UNC13A: variants seen among roughly 807,000 people sequenced by gnomAD.
The protein encoded by UNC13A is unc-13 homolog A, also known as protein unc-13 homolog A.
Under a neutral mutation model 219.7 loss-of-function variants are expected in UNC13A, and 61 were observed. The observed-to-expected ratio is 0.28, with a 90% CI of 0.23 to 0.34. The LOEUF (loss-of-function observed/expected upper bound fraction) is 0.34, where lower values mean the gene tolerates loss of function less well. Among genes scored for constraint, UNC13A ranks in the 10% least tolerant of loss-of-function variants. The pLI, the probability that UNC13A is intolerant of heterozygous loss-of-function variation, is 1.00. For missense variants in UNC13A, 1,476 were observed against 2,270.3 expected, an observed-to-expected ratio of 0.65 and a Z score of 7.11; for synonymous variants, 920 against 884.6, an observed-to-expected ratio of 1.04 and a Z score of -0.71.
At position 17,656,417 on chromosome 19, in the gene UNC13A, G is replaced by C; in HGVS notation, c.768-19C>G. On this transcript the variant is annotated intron_variant, in intron 9 of 43. Transcript: ENST00000519716. ...CGTGGGGCTGTGGGGATGGAACAGGGTTCAGGGACTGGGGTACCGAGTCAC... is the reference window on the plus strand; with the variant it reads ...CGTGGGGCTGTGGGGATGGAACAGGCTTCAGGGACTGGGGTACCGAGTCAC... 1.3e-6 allele frequency: 2 copies of C among 1,491,118 alleles called. No homozygotes were observed. Among genetic ancestry groups the C allele is most frequent in the Non-Finnish European group, 1.8e-6 (2 of 1,122,812 alleles). 92.4% of individuals were successfully genotyped at this position (1,491,118 alleles called of 1,614,324 possible).
Position 17,627,954 on chromosome 19 carries a change from C to G in UNC13A, c.3754-14G>C. On this transcript the variant is annotated splice_polypyrimidine_tract_variant and intron_variant, in intron 31 of 43. Coordinates refer to ENST00000519716, the MANE Select transcript of UNC13A (RefSeq NM_001080421.3). The surrounding 1 kb of genome is among the most constrained non-coding windows in gnomAD (Gnocchi z 4.7). ...GAGAATGCAGGGCTGTGGGTGGGAA[C>G]AGAGAGGGGAGTCAAGCCTCAGGAC... The G allele has an allele frequency of 1.3e-6, 2 of 1,581,506 alleles. No homozygotes were observed. The highest frequency in any genetic ancestry group is 1.7e-4 in the Middle Eastern group (1 of 6,020).
chr19:17,666,479 G>A (rs530358006), intron 7 of UNC13A, among the ~76,000 whole-genome samples, 171 bp downstream of exon 7: 6 of 152,252 alleles, frequency 3.9e-5, no homozygotes, highest in South Asian at 2.1e-4. Flanking sequence ...TTACAGGGGT[G>A]AGCCACCATG....
At chr19:17,640,785 G>A (rs1050203710) in intron 21 of UNC13A, 124 bp from the exon 22 acceptor site, 2 of 1,062,756 alleles carry the variant, frequency 1.9e-6, no homozygotes, top group African/African-American at 1.6e-5. Flanking sequence ...ACCATCCCCT[G>A]CCTGATTCTG....
At chr19:17,613,188 C>T (rs1356339123) in intron 41 of UNC13A, among the ~76,000 whole-genome samples, 1 of 151,846 alleles carries the variant, frequency 6.6e-6, no homozygotes, top group Non-Finnish European at 1.5e-5. Context: ...GCTGAGATTG[C>T]ACCACTGCAC....
intron 19 of UNC13A, among the ~76,000 whole-genome samples, chr19:17,644,330 A>G (rs10426003): frequency 0.54 from 81,750 of 150,166 alleles, 22,670 homozygotes; most frequent in East Asian, 0.68. Flanking sequence ...CTGGGACTAC[A>G]GGCACGCATC....
At position 17,640,613 on chromosome 19, in the gene UNC13A, G is replaced by A. The variant is rs765733092; in HGVS notation, c.2685C>T (p.Ala895=). Residue 895 remains alanine (A), a synonymous_variant, in exon 22 of 44, where the codon GCC becomes GCT. Coordinates refer to ENST00000519716, the MANE Select transcript of UNC13A (RefSeq NM_001080421.3). ...SSKYMCPGVP[A]VMSTLLANIN... is the part of the protein sequence containing the mutation. ...TGTTGGCGAGCAGGGTGCTCATGAC[G>A]GCAGGCACCCCTGGGCACATATACT... 67 of 1,589,252 alleles carry A rather than the reference G, an allele frequency of 4.2e-5. No homozygotes were observed. Among genetic ancestry groups the A allele is most frequent in the Middle Eastern group, 1.9e-4 (1 of 5,214 alleles).
rs1285713909 is a variant in UNC13A at position 17,627,685 on chromosome 19, C to T, written c.3832-88G>A. The T allele has an allele frequency of 7.6e-7, 1 of 1,312,318 alleles. No individual in the cohort carries two copies. The highest frequency in any genetic ancestry group is 2.5e-5 in the East Asian group (1 of 39,864). 81.3% of individuals were successfully genotyped at this position (1,312,318 alleles called of 1,614,324 possible). ...CTCATCTGACCCAGGGAAAGGGATCCCAAGGGGCTGCAGGGGAAACTGAGG... is the reference window on the plus strand; with the variant it reads ...CTCATCTGACCCAGGGAAAGGGATCTCAAGGGGCTGCAGGGGAAACTGAGG... On this transcript the variant is annotated intron_variant, in intron 32 of 43. Transcript: ENST00000519716. This position sits in a 1 kb window ranked among gnomAD's most constrained non-coding sequence, Gnocchi z 4.7.
intron 12 of UNC13A, among the ~76,000 whole-genome samples, chr19:17,651,672 TC>T (rs2079351553): frequency 6.6e-6 from 1 of 152,088 alleles, no homozygotes; most frequent in Non-Finnish European, 1.5e-5. Flanking sequence ...CTCGGCAGCC[TC>T]CCCTTGTCTG....
At chr19:17,666,481 G>C (rs1176235484) in intron 7 of UNC13A, among the ~76,000 whole-genome samples, 169 bp downstream of exon 7, 1 of 152,114 alleles carries the variant, frequency 6.6e-6, no homozygotes, top group Non-Finnish European at 1.5e-5. Flanking sequence ...ACAGGGGTGA[G>C]CCACCATGCC....
chr19:17,666,606 G>A (rs753963768), intron 7 of UNC13A, 44 bp downstream of exon 7: 2 of 1,409,132 alleles, frequency 1.4e-6, no homozygotes, highest in South Asian at 1.7e-5. Context: ...GGGGAGGGAT[G>A]AGGATTTCAG....
At chr19:17,650,595 A>G (rs2079326047) in intron 12 of UNC13A, among the ~76,000 whole-genome samples, 1 of 152,118 alleles carries the variant, frequency 6.6e-6, no homozygotes, top group Non-Finnish European at 1.5e-5. Context: ...CTCCTGCCTC[A>G]GCTCCCCAAG....
intron 6 of UNC13A, among the ~76,000 whole-genome samples, chr19:17,666,986 ACT>A (rs2079665357): frequency 6.6e-6 from 1 of 152,064 alleles, no homozygotes; most frequent in South Asian, 2.1e-4. Flanking sequence ...AGGTGCAGTG[ACT>A]CACACCTGTA....
Position 17,649,071 on chromosome 19 carries a change from A to G in UNC13A, c.1525-88T>C. ...GTTCACAGCCACGGATGGGGCCAGC[A>G]GCCACATTTTGGAGCCACAACCGCA... On this transcript the variant is annotated intron_variant, in intron 14 of 43. Coordinates refer to ENST00000519716, the MANE Select transcript of UNC13A (RefSeq NM_001080421.3). This position sits in a 1 kb window ranked among gnomAD's most constrained non-coding sequence, Gnocchi z 4.4. 1 of 1,411,600 alleles carries G rather than the reference A, an allele frequency of 7.1e-7. No homozygotes were observed. The highest frequency in any genetic ancestry group is 9.6e-7 in the Non-Finnish European group (1 of 1,039,638). The allele number at this position is 1,411,600 out of a possible 1,614,324, so 87.4% of individuals were successfully genotyped here.
chr19:17,645,648 C>A, intron 19 of UNC13A, 26 bp downstream of exon 19: 1 of 1,613,262 alleles, frequency 6.2e-7, no homozygotes, highest in Non-Finnish European at 8.5e-7. Flanking sequence ...CCGTCCCCAC[C>A]CGCTTCAGAA....
intron 8 of UNC13A, among the ~76,000 whole-genome samples, chr19:17,661,481 G>T (rs1003489482): frequency 1.3e-5 from 2 of 151,964 alleles, no homozygotes; most frequent in East Asian, 3.9e-4. Context: ...ATTGCTTGAG[G>T]TCAGGAGTTC....
At chr19:17,651,504 G>A (rs1430639321) in intron 12 of UNC13A, among the ~76,000 whole-genome samples, 1 of 152,204 alleles carries the variant, frequency 6.6e-6, no homozygotes, top group Non-Finnish European at 1.5e-5. Flanking sequence ...GGGATTACAG[G>A]CGTGAGCCAC....
chr19:17,650,539 C>A (rs2079324683), intron 12 of UNC13A, among the ~76,000 whole-genome samples: 1 of 151,916 alleles, frequency 6.6e-6, no homozygotes, highest in Non-Finnish European at 1.5e-5. Flanking sequence ...ATAGATGAAA[C>A]CTTTCTTGGC....
rs1204551402 is a variant in UNC13A at position 17,623,661 on chromosome 19, G to A, written c.4198-114C>T. The A allele has an allele frequency of 5.6e-6, 3 of 535,242 alleles. No individual in the cohort carries two copies. In the Admixed American group the frequency reaches 1.2e-4, roughly 21 times the overall value. The allele number at this position is 535,242 out of a possible 1,614,324, so 33.2% of individuals were successfully genotyped here. On this transcript the variant is annotated intron_variant, in intron 35 of 43. Transcript: ENST00000519716. ...GGCAGCACGGAGGGGCAAGACCCCT[G>A]CCCCAGCCCAGCCCAGAAGAGGTGG...
chr19:17,639,686 C>T (rs950415769), intron 23 of UNC13A, among the ~76,000 whole-genome samples, 154 bp downstream of exon 23: 6 of 152,200 alleles, frequency 3.9e-5, no homozygotes, highest in Admixed American at 2.6e-4. Context: ...AAGCACATTA[C>T]GGCAGGTAGT....
Sources: allele counts gnomAD v4.1 joint callset (sites outside exome capture counted in the v4.1 genomes callset), GRCh38; gene constraint gnomAD v4.1.1; non-coding constraint Gnocchi (gnomAD v3.1); transcripts MANE v1.5; gene names NCBI Gene and HGNC (gene_info 2026-07-23, HGNC 2026-07-21).